Variants in ADGRL2 observed in about 807,000 individuals in gnomAD.
ADGRL2 encodes adhesion G protein-coupled receptor L2.
In ADGRL2, 44 loss-of-function variants were observed where a neutral mutation model predicts 157.4. The observed-to-expected ratio is 0.28, with a 90% CI of 0.22 to 0.36. The LOEUF (loss-of-function observed/expected upper bound fraction) is 0.36, where lower values mean the gene tolerates loss of function less well. ADGRL2 is among the 10% of genes least tolerant of loss of function. ADGRL2 has a pLI of 1.00. For missense variants in ADGRL2, 1,510 were observed against 1,768.9 expected (o/e 0.85, Z 2.63); for synonymous variants, 585 against 624.7 (o/e 0.94, Z 0.95).
At chr1:81,719,289 T>C (rs1391504966) in intron 1 of ADGRL2, among the ~76,000 whole-genome samples, 1 of 152,240 alleles carries the variant, frequency 6.6e-6, no homozygotes, top group East Asian at 1.9e-4. Context: ...TCACAATCAT[T>C]ATCTGCCAAT....
At chr1:81,817,098 T>C (rs1281443110) in intron 1 of ADGRL2, among the ~76,000 whole-genome samples, 1 of 152,030 alleles carries the variant, frequency 6.6e-6, no homozygotes, top group Non-Finnish European at 1.5e-5. Flanking sequence ...CTCACACTTC[T>C]CCCACGCTCC....
At chr1:81,696,681 G>A (rs1557573877), upstream of ADGRL2, among the ~76,000 whole-genome samples, 1 of 152,150 alleles carries the variant, frequency 6.6e-6, no homozygotes, top group Non-Finnish European at 1.5e-5. Context: ...GAACCCGGGA[G>A]GCGGAGCTTG....
intron 2 of ADGRL2, among the ~76,000 whole-genome samples, chr1:81,489,736 A>G (rs932097550): frequency 2.0e-5 from 3 of 152,220 alleles, no homozygotes; most frequent in Non-Finnish European, 4.4e-5. Context: ...ATCGCATACA[A>G]GGGATCCATA....
intron 1 of ADGRL2, among the ~76,000 whole-genome samples, chr1:81,414,608 G>A (rs569145934): frequency 3.3e-5 from 5 of 152,216 alleles, no homozygotes; most frequent in Admixed American, 2.0e-4. Flanking sequence ...GATAGGTGGC[G>A]CTCTCCCCTC....
chr1:81,678,483 G>T (rs1184403967), intron 3 of ADGRL2, among the ~76,000 whole-genome samples: 2 of 152,176 alleles, frequency 1.3e-5, no homozygotes, highest in African/African-American at 4.8e-5. Flanking sequence ...ACAAGCAACT[G>T]TATCTTTGGC....
chr1:81,737,097 G>T (rs146070707), intron 1 of ADGRL2, among the ~76,000 whole-genome samples: 2,004 of 152,084 alleles, frequency 0.013, 41 homozygotes, highest in African/African-American at 0.046. Flanking sequence ...GCCTCCCAAA[G>T]TGCAGGGATT....
At chr1:81,900,395 A>G (rs2094464730) in intron 2 of ADGRL2, among the ~76,000 whole-genome samples, 6 of 152,212 alleles carry the variant, frequency 3.9e-5, no homozygotes, top group South Asian at 2.1e-4. Flanking sequence ...CTCCTTAACT[A>G]TGTCATTGTG....
intron 2 of ADGRL2, among the ~76,000 whole-genome samples, chr1:81,861,265 C>G (rs761898558): frequency 3.9e-5 from 6 of 152,140 alleles, no homozygotes; most frequent in Non-Finnish European, 7.3e-5. Context: ...AGATGATCCA[C>G]CCACCTTGGC....
intron 2 of ADGRL2, among the ~76,000 whole-genome samples, chr1:81,553,471 G>A (rs2080199920): frequency 6.6e-6 from 1 of 152,116 alleles, no homozygotes; most frequent in Non-Finnish European, 1.5e-5. Flanking sequence ...AATAGAAGGG[G>A]TGATTCAAAG....
chr1:81,700,348 C>G (rs952293688), intron 1 of ADGRL2, among the ~76,000 whole-genome samples: 1 of 152,126 alleles, frequency 6.6e-6, no homozygotes, highest in African/African-American at 2.4e-5. Context: ...TAATAGTCTC[C>G]GTTTCAAGTC....
chr1:81,568,853 C>T (rs1271807414), intron 2 of ADGRL2, among the ~76,000 whole-genome samples: 1 of 151,988 alleles, frequency 6.6e-6, no homozygotes, highest in East Asian at 1.9e-4. Flanking sequence ...TACCTATGTT[C>T]TTGGATAGCA....
chr1:81,366,586 G>C (rs1278948334), intron 1 of ADGRL2, among the ~76,000 whole-genome samples: 1 of 152,122 alleles, frequency 6.6e-6, no homozygotes, highest in African/African-American at 2.4e-5. Context: ...ATATTTCCCT[G>C]TTAATCTCTT....
upstream of ADGRL2, chr1:81,800,420 T>C (rs2087858124): frequency 6.6e-6 from 1 of 151,992 alleles, no homozygotes; most frequent in South Asian, 2.1e-4. Flanking sequence ...TTCTTTCTCC[T>C]CCATGCAGTT....
Position 81,943,840 on chromosome 1 carries a change from T to C in ADGRL2, c.1210+71T>C. The C allele has an allele frequency of 8.3e-7, 1 of 1,207,282 alleles. No individual in the cohort carries two copies. The highest frequency in any genetic ancestry group is 1.2e-6 in the Non-Finnish European group (1 of 854,654). 74.8% of individuals were successfully genotyped at this position (1,207,282 alleles called of 1,614,324 possible). On this transcript the variant is annotated intron_variant, in intron 6 of 23. Coordinates refer to ENST00000686636, the MANE Select transcript of ADGRL2 (RefSeq NM_001366006.2). The surrounding 1 kb of genome is among the most constrained non-coding windows in gnomAD (Gnocchi z 5.6). ...ATTTTTCTTTTTAAAGACTTCTTAA[T>C]TTTTTTTTCCTATTTTCTTCCCCTT...
chr1:81,551,557 T>C (rs2080147147), intron 2 of ADGRL2, among the ~76,000 whole-genome samples: 1 of 152,250 alleles, frequency 6.6e-6, no homozygotes, highest in Non-Finnish European at 1.5e-5. Context: ...ATTTCATCTA[T>C]TAAATCTTCC....
chr1:81,570,704 T>C (rs2080669094), intron 2 of ADGRL2, among the ~76,000 whole-genome samples: 1 of 152,202 alleles, frequency 6.6e-6, no homozygotes, highest in Non-Finnish European at 1.5e-5. Flanking sequence ...ATTACTTTTA[T>C]TGGATAAAAT....
At chr1:81,629,665 A>ATG (rs1416471753) in intron 3 of ADGRL2, among the ~76,000 whole-genome samples, 4 of 90,418 alleles carry the variant, frequency 4.4e-5, no homozygotes, top group South Asian at 7.8e-4. Context: ...GAATGAATGT[A>ATG]TATGTGTGTG....
intron 1 of ADGRL2, among the ~76,000 whole-genome samples, chr1:81,348,989 C>T (rs1200951998): frequency 1.3e-5 from 2 of 152,180 alleles, no homozygotes; most frequent in African/African-American, 4.8e-5. Context: ...TGGAAGTAAT[C>T]TGCAGTAATA....
intron 4 of ADGRL2, among the ~76,000 whole-genome samples, chr1:81,940,204 C>T (rs1647365953): frequency 6.6e-6 from 1 of 151,088 alleles, no homozygotes; most frequent in Admixed American, 6.6e-5. Context: ...GTATTATTTC[C>T]ATCCTTTACA....
Sources: allele counts gnomAD v4.1 joint callset (sites outside exome capture counted in the v4.1 genomes callset), GRCh38; gene constraint gnomAD v4.1.1; non-coding constraint Gnocchi (gnomAD v3.1); transcripts MANE v1.5; gene names NCBI Gene and HGNC (gene_info 2026-07-23, HGNC 2026-07-21).